The following ZNF544 variants were observed in gnomAD, a reference collection of about 807,000 sequenced individuals.
ZNF544 encodes zinc finger protein AF020591.
ZNF544 carries 10 observed loss-of-function variants against 13.5 expected under a neutral mutation model. That is an observed-to-expected ratio of 0.74 (90% CI 0.46 to 1.25). The LOEUF (loss-of-function observed/expected upper bound fraction) is 1.25. Among genes scored for constraint, ZNF544 ranks in the 50% most tolerant of loss-of-function variants. The probability of loss-of-function intolerance (pLI) is 0.00; values close to 1 mark genes in which losing one functional copy is unlikely to be tolerated. For synonymous variants in ZNF544, 323 were observed against 300.5 expected (o/e 1.07, Z -0.77); for missense variants, 896 against 845.6 (o/e 1.06, Z -0.74).
chr19:58,239,938 G>A (rs1423623570), intron 3 of ZNF544, among the ~76,000 whole-genome samples: 1 of 151,840 alleles, frequency 6.6e-6, no homozygotes, highest in Non-Finnish European at 1.5e-5. Context: ...AGGCACGCAT[G>A]TAAACGGGAG....
Position 58,261,494 on chromosome 19 carries a change from T to G in ZNF544, c.888T>G (p.Ser296Arg). Residue 296 changes from serine to arginine, a missense_variant, in exon 7 of 7, where the codon AGT becomes AGG. Physicochemically the swap from Ser to Arg is moderately radical, Grantham distance 110. Coordinates refer to ENST00000687789, the MANE Select transcript of ZNF544 (RefSeq NM_014480.4). ...NEQKPVHFGK[S>R]QYECDECRET... is the part of the protein sequence containing the mutation. ...AGAAGCCAGTGCATTTTGGGAAAAG[T>G]CAGTATGAGTGTGATGAGTGCAGGG... 6.2e-7 allele frequency: 1 copy of G among 1,614,160 alleles called. No homozygotes were observed. Among genetic ancestry groups the G allele is most frequent in the Non-Finnish European group, 8.5e-7 (1 of 1,180,018 alleles).
chr19:58,231,354 A>C (rs1429988957), intron 3 of ZNF544, among the ~76,000 whole-genome samples: 1 of 152,120 alleles, frequency 6.6e-6, no homozygotes, highest in Non-Finnish European at 1.5e-5. Flanking sequence ...TGGTTTCCTC[A>C]TTTAGAAAGC....
At chr19:58,247,965 G>A (rs946786822) in intron 6 of ZNF544, among the ~76,000 whole-genome samples, 10 of 151,192 alleles carry the variant, frequency 6.6e-5, no homozygotes, top group South Asian at 2.1e-4. Flanking sequence ...CCAGGCTGGC[G>A]TACAGTGGTG....
chr19:58,256,886 A>G (rs1199567714), intron 6 of ZNF544, among the ~76,000 whole-genome samples: 2 of 152,194 alleles, frequency 1.3e-5, no homozygotes, highest in Non-Finnish European at 2.9e-5. Context: ...AGGTGATTAA[A>G]GAGACAAGCA....
Position 58,230,964 on chromosome 19 carries a change from G to A in ZNF544, c.-60+502G>A, listed in dbSNP as rs189230011. 1.9e-3 allele frequency among the ~76,000 whole-genome samples: 290 copies of A among 152,308 alleles called. 10 individuals are homozygous for A. The highest frequency in any genetic ancestry group is 0.019 in the Admixed American group (289 of 15,296). ...CCGATTTGTCTGCACAGAGAGGACA[G>A]TGGTGGGAGGGGACTGAAGTAGGGT... On this transcript the variant is annotated intron_variant, in intron 3 of 6. Transcript: ENST00000687789.
chr19:58,230,576 A>C (rs2040989236), intron 3 of ZNF544, 114 bp downstream of exon 3: 1 of 152,664 alleles, frequency 6.6e-6, no homozygotes, highest in Admixed American at 6.5e-5. Flanking sequence ...GGACACAGGC[A>C]GTGAGAGATT....
intron 5 of ZNF544, among the ~76,000 whole-genome samples, chr19:58,273,447 T>C (rs1411951511): frequency 1.3e-5 from 2 of 152,068 alleles, no homozygotes; most frequent in African/African-American, 2.4e-5. Context: ...TCCCAGCACT[T>C]TGGGAGGCCA....
chr19:58,277,347 C>T (rs1449206173), exon 7 of ZNF544: 11 of 969,284 alleles, frequency 1.1e-5, no homozygotes, highest in Middle Eastern at 7.3e-4. Flanking sequence ...CGTCTTCACC[C>T]CTTCAACACG....
chr19:58,248,582 A>G (rs941305768), intron 6 of ZNF544, among the ~76,000 whole-genome samples: 2 of 152,128 alleles, frequency 1.3e-5, no homozygotes, highest in East Asian at 3.8e-4. Flanking sequence ...CAAATGTACA[A>G]TGTCATGTAT....
At position 58,261,676 on chromosome 19, in the gene ZNF544, A is replaced by AT; in HGVS notation, c.1071dup (p.Gln358SerfsTer10). ...ACTACAGAGAAGCCATCTGTGTGTA[A>AT]TCAGTGTGGAAAATCTTTCAGCTGT... is the stretch of plus-strand genomic sequence containing the variant. On this transcript the variant is annotated frameshift_variant, in exon 7 of 7. Transcript: ENST00000687789. LOFTEE classifies it low-confidence loss of function (END_TRUNC). The AT allele has an allele frequency of 3.7e-6, 6 of 1,614,228 alleles. No individual in the cohort carries two copies. The highest frequency in any genetic ancestry group is 5.1e-6 in the Non-Finnish European group (6 of 1,180,046).
chr19:58,260,624 G>GT (rs1378592298), intron 6 of ZNF544: 2 of 469,984 alleles, frequency 4.3e-6, no homozygotes, highest in Non-Finnish European at 7.5e-6. Flanking sequence ...TTGGGGACTA[G>GT]TGTTACTTAG....
At chr19:58,239,560 C>T (rs11880962) in intron 3 of ZNF544, among the ~76,000 whole-genome samples, 97 of 152,272 alleles carry the variant, frequency 6.4e-4, no homozygotes, top group African/African-American at 2.2e-3. Flanking sequence ...CTCTGAAAAG[C>T]TCTTATATTC....
At chr19:58,241,780 A>T (rs1336555964) in intron 3 of ZNF544, among the ~76,000 whole-genome samples, 1 of 152,150 alleles carries the variant, frequency 6.6e-6, no homozygotes, top group Non-Finnish European at 1.5e-5. Context: ...TATAGGCATG[A>T]GCCACCACGC....
chr19:58,256,087 T>C (rs1298437761), intron 6 of ZNF544, among the ~76,000 whole-genome samples: 1 of 152,152 alleles, frequency 6.6e-6, no homozygotes, highest in Non-Finnish European at 1.5e-5. Flanking sequence ...CTTGCATGCT[T>C]ATGTGCTGTC....
Position 58,260,950 on chromosome 19 carries a change from A to T in ZNF544, c.344A>T (p.Glu115Val). 3.1e-6 allele frequency: 5 copies of T among 1,614,210 alleles called. No homozygotes were observed. The highest frequency in any genetic ancestry group is 4.2e-6 in the Non-Finnish European group (5 of 1,180,036). The change falls in exon 7 of 7, where the codon GAG (glutamate) becomes GTG (valine). Residue 115 changes from glutamate (E) to valine (V), a missense_variant. Coordinates refer to ENST00000687789, the MANE Select transcript of ZNF544 (RefSeq NM_014480.4). ...GTGGAAGTGTACAGGAGTGGACCGG[A>T]GGAGCCACCCTCTTTGGTATTAGGA... is the stretch of plus-strand genomic sequence containing the variant. ...HHVEVYRSGP[E>V]EPPSLVLGKV...
exon 7 of ZNF544, chr19:58,277,212 T>C: frequency 2.4e-6 from 3 of 1,228,428 alleles, no homozygotes; most frequent in Non-Finnish European, 2.0e-6. Flanking sequence ...GCAGAGACGG[T>C]ACAGGGCCAG....
intron 3 of ZNF544, among the ~76,000 whole-genome samples, chr19:58,232,815 C>T (rs958926440): frequency 2.5e-4 from 37 of 148,638 alleles, no homozygotes; most frequent in African/African-American, 5.4e-4. Flanking sequence ...GGCGTGATGG[C>T]GGGAGCCTGT....
chr19:58,247,419 C>G, intron 6 of ZNF544: 2 of 152,198 alleles, frequency 1.3e-5, no homozygotes, highest in Non-Finnish European at 2.9e-5. Flanking sequence ...GTCCACCATG[C>G]CCGGCTAATT....
At chr19:58,243,248 A>G (rs1019805131) in intron 3 of ZNF544, among the ~76,000 whole-genome samples, 3 of 152,024 alleles carry the variant, frequency 2.0e-5, no homozygotes, top group African/African-American at 7.2e-5. Context: ...CGCTTCTGGA[A>G]TGTTCAGTGG....
Sources: allele counts gnomAD v4.1 joint callset (sites outside exome capture counted in the v4.1 genomes callset), GRCh38; gene constraint gnomAD v4.1.1; transcripts MANE v1.5; gene names NCBI Gene and HGNC (gene_info 2026-07-23, HGNC 2026-07-21).